PTPRD: variants seen among roughly 807,000 people sequenced by gnomAD.
PTPRD encodes receptor-type tyrosine-protein phosphatase delta.
In PTPRD, 34 loss-of-function variants were observed where a neutral mutation model predicts 214.5. That is an observed-to-expected ratio of 0.16 (90% confidence interval 0.12 to 0.21). The LOEUF (loss-of-function observed/expected upper bound fraction) is 0.21, where lower values mean the gene tolerates loss of function less well. PTPRD is among the 10% of genes least tolerant of loss of function. PTPRD has a pLI of 1.00. For missense variants in PTPRD, 2,545 were observed against 2,398.7 expected, an observed-to-expected ratio of 1.06 and a Z score of -1.27; for synonymous variants, 1,128 against 845.7, an observed-to-expected ratio of 1.33 and a Z score of -5.79.
intron 8 of PTPRD, among the ~76,000 whole-genome samples, chr9:9,487,315 GTTT>G (rs2095689204): frequency 6.6e-6 from 1 of 151,418 alleles, no homozygotes; most frequent in Non-Finnish European, 1.5e-5. Flanking sequence ...GTGGTGTTTA[GTTT>G]TTTGTCCTTG....
At chr9:10,539,215 C>T (rs943507380) in intron 2 of PTPRD, among the ~76,000 whole-genome samples, 9 of 152,076 alleles carry the variant, frequency 5.9e-5, no homozygotes, top group Admixed American at 5.2e-4. Flanking sequence ...GGTGGAGTCT[C>T]GCTCTGTTGC....
At chr9:8,635,063 A>C (rs2096387304) in intron 13 of PTPRD, among the ~76,000 whole-genome samples, 1 of 147,656 alleles carries the variant, frequency 6.8e-6, no homozygotes, top group African/African-American at 2.5e-5. Context: ...ATATTTAATA[A>C]TATATATTAA....
At chr9:9,520,157 A>C (rs1322303927) in intron 8 of PTPRD, among the ~76,000 whole-genome samples, 3 of 151,496 alleles carry the variant, frequency 2.0e-5, no homozygotes, top group East Asian at 1.9e-4. Flanking sequence ...ATTTTATGAC[A>C]GGGTTTCTGT....
chr9:9,480,174 A>C (rs919413692), intron 8 of PTPRD, among the ~76,000 whole-genome samples: 1 of 152,174 alleles, frequency 6.6e-6, no homozygotes, highest in African/African-American at 2.4e-5. Context: ...CATCAGTCCA[A>C]GGGTGCATGG....
chr9:8,991,644 A>AT (rs2099367363), intron 11 of PTPRD, among the ~76,000 whole-genome samples: 1 of 152,042 alleles, frequency 6.6e-6, no homozygotes, highest in African/African-American at 2.4e-5. Flanking sequence ...ATTTTCCTTA[A>AT]TTTTTTTCTA....
chr9:8,750,828 G>C (rs1206527422), intron 11 of PTPRD, among the ~76,000 whole-genome samples: 1 of 152,162 alleles, frequency 6.6e-6, no homozygotes, highest in Non-Finnish European at 1.5e-5. Context: ...CATCTGAAAT[G>C]CAGTGGAAGA....
At chr9:9,171,531 A>G (rs1460975734) in intron 10 of PTPRD, among the ~76,000 whole-genome samples, 1 of 152,004 alleles carries the variant, frequency 6.6e-6, no homozygotes, top group East Asian at 1.9e-4. Flanking sequence ...GACATCAAAT[A>G]TATAGACGAT....
chr9:9,379,129 GTTT>G (rs1255744233), intron 9 of PTPRD, among the ~76,000 whole-genome samples: 1 of 150,080 alleles, frequency 6.7e-6, no homozygotes, highest in African/African-American at 2.4e-5. Context: ...GAGTTTTATA[GTTT>G]TGCATTTATG....
At chr9:9,004,476 G>A (rs1396588711) in intron 11 of PTPRD, among the ~76,000 whole-genome samples, 2 of 151,740 alleles carry the variant, frequency 1.3e-5, no homozygotes, top group East Asian at 1.9e-4. Flanking sequence ...AACACTCTGT[G>A]GCTGTTTTTT....
chr9:8,557,030 T>C (rs1263483457), intron 14 of PTPRD, among the ~76,000 whole-genome samples: 2 of 152,172 alleles, frequency 1.3e-5, no homozygotes, highest in African/African-American at 4.8e-5. Context: ...GTAGCTGAAA[T>C]TGATTATTAG....
intron 11 of PTPRD, among the ~76,000 whole-genome samples, chr9:8,975,676 C>A (rs2099264090): frequency 6.6e-6 from 1 of 151,670 alleles, no homozygotes; most frequent in African/African-American, 2.4e-5. Flanking sequence ...GTGTAATAAA[C>A]ATTTTGGATA....
At chr9:8,859,214 GT>G (rs1202152434) in intron 11 of PTPRD, among the ~76,000 whole-genome samples, 1 of 152,172 alleles carries the variant, frequency 6.6e-6, no homozygotes, top group Non-Finnish European at 1.5e-5. Context: ...TTGCTTTTAT[GT>G]TGTTGGAAAT....
chr9:9,943,814 A>G (rs2092085687), intron 4 of PTPRD, among the ~76,000 whole-genome samples: 1 of 152,102 alleles, frequency 6.6e-6, no homozygotes, highest in African/African-American at 2.4e-5. Context: ...ATCCTTTTTC[A>G]GGATTAAAGG....
At chr9:8,917,989 G>A (rs2154266851) in intron 11 of PTPRD, among the ~76,000 whole-genome samples, 2 of 152,264 alleles carry the variant, frequency 1.3e-5, no homozygotes, top group South Asian at 4.1e-4. Context: ...TAACAAGCAA[G>A]AGACATTAAG....
rs557094487 is a variant in PTPRD at position 9,403,016 on chromosome 9, G to A, written c.-236-5534C>T. On this transcript the variant is annotated intron_variant, in intron 8 of 45. Transcript: ENST00000381196. ...ACCAAAAAAAAATGAGGTGCCAGGC[G>A]CGGTGTCTCCTGCCTGTAATCCCAG... Among the ~76,000 whole-genome samples the A allele has an allele frequency of 6.4e-4, 93 of 146,042 alleles. 4 individuals carry two copies. In the South Asian group the frequency reaches 9.4e-3, roughly 15 times the overall value.
chr9:10,095,925 A>T (rs1345683239), intron 3 of PTPRD, among the ~76,000 whole-genome samples: 4 of 151,598 alleles, frequency 2.6e-5, no homozygotes, highest in African/African-American at 9.7e-5. Context: ...TTCTCTTGCC[A>T]TTATATCCAA....
intron 11 of PTPRD, among the ~76,000 whole-genome samples, chr9:8,761,209 C>T (rs1233180322): frequency 6.6e-6 from 1 of 151,902 alleles, no homozygotes; most frequent in East Asian, 1.9e-4. Flanking sequence ...TCCTTGCATC[C>T]TAATAAGGCA....
intron 4 of PTPRD, among the ~76,000 whole-genome samples, chr9:9,949,162 G>C (rs1289979848): frequency 6.6e-6 from 1 of 152,030 alleles, no homozygotes; most frequent in Non-Finnish European, 1.5e-5. Flanking sequence ...TCCATGATCT[G>C]TAGAAAATAT....
chr9:8,898,142 C>G (rs1317296783), intron 11 of PTPRD, among the ~76,000 whole-genome samples: 1 of 152,162 alleles, frequency 6.6e-6, no homozygotes, highest in Non-Finnish European at 1.5e-5. Flanking sequence ...TGTCAGTCTT[C>G]TCATGCCCTC....
Sources: allele counts gnomAD v4.1 joint callset (sites outside exome capture counted in the v4.1 genomes callset), GRCh38; gene constraint gnomAD v4.1.1; transcripts MANE v1.5; gene names NCBI Gene and HGNC (gene_info 2026-07-23, HGNC 2026-07-21).